The following LANCL3 variants were observed in gnomAD, a reference collection of about 807,000 sequenced individuals.
The protein encoded by LANCL3 is LanC like family member 3.
In LANCL3, 19 loss-of-function variants were observed where a neutral mutation model predicts 26.5. The observed-to-expected ratio is 0.72, with a 90% CI of 0.50 to 1.05. The LOEUF is 1.05. LANCL3 is among the 50% of genes least tolerant of loss of function. The pLI, the probability that LANCL3 is intolerant of heterozygous loss-of-function variation, is 0.00. For missense variants in LANCL3, 318 were observed against 362.7 expected (o/e 0.88, Z 1.00); for synonymous variants, 160 against 166.6 (o/e 0.96, Z 0.30).
chrX:37,658,941 A>G (rs901370628), intron 2 of LANCL3, among the ~76,000 whole-genome samples: 1 of 112,834 alleles, frequency 8.9e-6, no homozygotes, highest in Non-Finnish European at 1.9e-5. Flanking sequence ...TGTACAGAGT[A>G]GATGCTTAAT....
chrX:37,621,543 A>G (rs782674045), intron 1 of LANCL3, among the ~76,000 whole-genome samples: 4 of 112,838 alleles, frequency 3.5e-5, no homozygotes, highest in South Asian at 3.7e-4. Flanking sequence ...GAGAATATCA[A>G]TAACATTTTA....
intron 1 of LANCL3, among the ~76,000 whole-genome samples, chrX:37,578,777 C>T (rs1556416688): frequency 1.8e-5 from 2 of 109,792 alleles, no homozygotes; most frequent in African/African-American, 6.6e-5. Flanking sequence ...ATCAGGAGTT[C>T]GAGACCAGCC....
rs1366591292 is a variant in LANCL3, at chrX:37,682,138, T to C, written c.*6325T>C. The C allele has an allele frequency of 1.9e-5, 2 of 104,502 alleles. No individual in the cohort carries two copies. Among genetic ancestry groups the C allele is most frequent in the African/African-American group, 7.0e-5 (2 of 28,655 alleles). The allele number at this position is 104,502 out of a possible 1,213,427, so 8.6% of individuals were successfully genotyped here. ...TTTTTTTTGAGACGGAGTCTCGCTCTGTCGCCCAGGCTGGAGTGCAGTGGC... is the reference window on the plus strand; with the variant it reads ...TTTTTTTTGAGACGGAGTCTCGCTCCGTCGCCCAGGCTGGAGTGCAGTGGC... On this transcript the variant is annotated 3_prime_UTR_variant, in exon 5 of 5. Transcript: ENST00000378619.
intron 1 of LANCL3, among the ~76,000 whole-genome samples, chrX:37,578,993 A>G (rs1284380524): frequency 9.1e-6 from 1 of 109,731 alleles, no homozygotes; most frequent in Admixed American, 9.8e-5. Flanking sequence ...AAAAAAAAAA[A>G]AAAAAAAAAA....
At chrX:37,632,092 C>T (rs1925537173) in intron 1 of LANCL3, among the ~76,000 whole-genome samples, 1 of 111,074 alleles carries the variant, frequency 9.0e-6, no homozygotes, top group Admixed American at 9.5e-5. Context: ...GAGTGTAAGT[C>T]TCTTTGTAGG....
chrX:37,608,547 T>C (rs936328098), intron 1 of LANCL3, among the ~76,000 whole-genome samples: 1 of 111,910 alleles, frequency 8.9e-6, no homozygotes, highest in Admixed American at 9.5e-5. Flanking sequence ...GCAAGTATTT[T>C]ACTAAGTATT....
chrX:37,580,968 A>G (rs1402022907), intron 1 of LANCL3, among the ~76,000 whole-genome samples: 3 of 111,919 alleles, frequency 2.7e-5, no homozygotes, highest in Non-Finnish European at 3.8e-5. Context: ...TGTGATTTCA[A>G]TTGGTGATCC....
intron 1 of LANCL3, among the ~76,000 whole-genome samples, chrX:37,628,152 C>G (rs1030871719): frequency 9.0e-6 from 1 of 111,477 alleles, no homozygotes; most frequent in Non-Finnish European, 1.9e-5. Context: ...CTTGAAATAA[C>G]ATAATTTTAA....
Position 37,681,143 on chromosome X carries a change from T to C in LANCL3, c.*5330T>C, listed in dbSNP as rs1161110845. ...GTGAGCCACGAATGCAAACCACATA[T>C]GCAATTTTCAAATTTTCTAGTAGCT... On this transcript the variant is annotated 3_prime_UTR_variant, in exon 5 of 5. Transcript: ENST00000378619. 2 of 112,082 alleles carry C rather than the reference T, an allele frequency of 1.8e-5. No individual in the cohort carries two copies. Among genetic ancestry groups the C allele is most frequent in the Admixed American group, 9.4e-5 (1 of 10,596 alleles). The allele number at this position is 112,082 out of a possible 1,213,427, so 9.2% of individuals were successfully genotyped here.
intron 4 of LANCL3, among the ~76,000 whole-genome samples, chrX:37,669,322 A>G (rs1275332906): frequency 8.1e-5 from 9 of 111,462 alleles, no homozygotes; most frequent in African/African-American, 2.6e-4. Context: ...AGCTAGGGCT[A>G]CAGGTTCATG....
chrX:37,603,416 T>A (rs1411523186), intron 1 of LANCL3, among the ~76,000 whole-genome samples: 2 of 112,172 alleles, frequency 1.8e-5, no homozygotes, highest in Non-Finnish European at 3.8e-5. Flanking sequence ...CTCTTTTGTG[T>A]CTGTACAGAA....
chrX:37,681,929 G>A lies in LANCL3; in HGVS notation c.*6116G>A, dbSNP rs1345698145. ...GCACTTGGACATAGATCTTCAGAAA[G>A]TACCAAAATATATACCTTCCTCTTA... On this transcript the variant is annotated 3_prime_UTR_variant, in exon 5 of 5. Coordinates refer to ENST00000378619, the MANE Select transcript of LANCL3 (RefSeq NM_001170331.2). 1 of 111,209 alleles carries A rather than the reference G, an allele frequency of 9.0e-6. No homozygotes were observed. Among genetic ancestry groups the A allele is most frequent in the Non-Finnish European group, 1.9e-5 (1 of 53,097 alleles). The allele number at this position is 111,209 out of a possible 1,213,427, so 9.2% of individuals were successfully genotyped here.
intron 4 of LANCL3, among the ~76,000 whole-genome samples, chrX:37,671,727 A>C (rs782126515): frequency 6.3e-5 from 7 of 111,982 alleles, no homozygotes; most frequent in Non-Finnish European, 1.1e-4. Context: ...TTCACTCAAA[A>C]GTCATTTTCT....
intron 1 of LANCL3, among the ~76,000 whole-genome samples, chrX:37,587,028 G>C (rs1924110938): frequency 8.9e-6 from 1 of 112,733 alleles, no homozygotes; most frequent in African/African-American, 3.2e-5. Context: ...AGGACCCTCA[G>C]CTTCATGTCT....
At chrX:37,581,455 T>G (rs1394880590) in intron 1 of LANCL3, among the ~76,000 whole-genome samples, 6 of 112,125 alleles carry the variant, frequency 5.4e-5, no homozygotes, top group Non-Finnish European at 1.1e-4. Flanking sequence ...ACAAATCACA[T>G]CCCAGCAATT....
intron 1 of LANCL3, among the ~76,000 whole-genome samples, chrX:37,630,968 A>G (rs1925482232): frequency 9.0e-6 from 1 of 111,700 alleles, no homozygotes; most frequent in African/African-American, 3.3e-5. Flanking sequence ...GGCCTCATAA[A>G]ATGAGTTAAG....
chrX:37,656,017 G>A (rs925962762), intron 2 of LANCL3, among the ~76,000 whole-genome samples: 2 of 111,938 alleles, frequency 1.8e-5, no homozygotes, highest in Admixed American at 1.9e-4. Flanking sequence ...TGACAGAAAT[G>A]TAGCTATTTT....
intron 1 of LANCL3, among the ~76,000 whole-genome samples, chrX:37,584,593 A>G (rs1283098846): frequency 9.0e-6 from 1 of 111,325 alleles, no homozygotes; most frequent in African/African-American, 3.3e-5. Context: ...TAGGTTTTCA[A>G]GTTTATTTGC....
chrX:37,583,029 A>G (rs1268563334), intron 1 of LANCL3, among the ~76,000 whole-genome samples: 1 of 111,896 alleles, frequency 8.9e-6, no homozygotes, highest in Admixed American at 9.5e-5. Context: ...TCACCTTTCT[A>G]CATATGGCTA....
Sources: allele counts gnomAD v4.1 joint callset (sites outside exome capture counted in the v4.1 genomes callset), GRCh38; gene constraint gnomAD v4.1.1; transcripts MANE v1.5; gene names NCBI Gene and HGNC (gene_info 2026-07-23, HGNC 2026-07-21).